WEE1: variants seen among roughly 807,000 people sequenced by gnomAD.
WEE1 encodes WEE1 G2 checkpoint kinase.
WEE1 carries 16 observed loss-of-function variants against 68.8 expected under a neutral mutation model. The ratio of observed to expected loss-of-function variants is 0.23; its 90% CI spans 0.16 to 0.35. WEE1 has a LOEUF of 0.35. Ranked by LOEUF, WEE1 falls within the 10% of genes least tolerant of loss-of-function variation. The pLI, the probability that WEE1 is intolerant of heterozygous loss-of-function variation, is 1.00. For missense variants in WEE1, 651 were observed against 824.1 expected, an observed-to-expected ratio of 0.79 and a Z score of 2.57; for synonymous variants, 349 against 318.7, an observed-to-expected ratio of 1.09 and a Z score of -1.01.
intron 5 of WEE1, chr11:9,578,460 A>C (rs1830163409): frequency 6.6e-6 from 1 of 152,338 alleles, no homozygotes. Context: ...TTTTTTTCAC[A>C]CAGCTCTTGA....
In WEE1 at chr11:9,576,348, C is replaced by T. The variant is rs1954548676; in HGVS notation, c.846+55C>T. On this transcript the variant is annotated intron_variant, in intron 3 of 10. Coordinates refer to ENST00000450114, the MANE Select transcript of WEE1 (RefSeq NM_003390.4). The surrounding 1 kb of genome is among the most constrained non-coding windows in gnomAD (Gnocchi z 4.3). ...AAATTTACTTTTCTGCCACTTAAAG[C>T]ATGCTATGAATATGTTAATAAGCAT... The T allele has an allele frequency of 2.0e-6, 3 of 1,536,284 alleles. No homozygotes were observed. The African/African-American group carries it at 4.2e-5, about 21-fold the overall frequency.
At chr11:9,577,700 G>A in intron 5 of WEE1, 1 of 324,030 alleles carries the variant, frequency 3.1e-6, no homozygotes, top group Middle Eastern at 3.9e-4. Flanking sequence ...AAATTCAGCT[G>A]TTTCTTTAAG....
In WEE1 at chr11:9,574,231, C is replaced by G. The variant is rs1849538208; in HGVS notation, c.298C>G (p.Pro100Ala). 1 of 1,192,184 alleles carries G rather than the reference C, an allele frequency of 8.4e-7. No homozygotes were observed. The highest frequency in any genetic ancestry group is 1.0e-6 in the Non-Finnish European group (1 of 961,348). 73.9% of individuals were successfully genotyped at this position (1,192,184 alleles called of 1,614,324 possible). ...EEDLLLPGAC[P>A]GADEAGGGAE... ...GGACCTGTTGCTGCCCGGCGCCTGC[C>G]CGGGCGCGGACGAGGCGGGCGGTGG... The change falls in exon 1 of 11, where the codon CCG becomes GCG. Residue 100 changes from proline to alanine, a missense_variant. Pro to Ala is a conservative substitution (Grantham distance 27). Around this residue, in one of 5 missense-constraint regions of WEE1, gnomAD observed 395 missense variants for 378.4 expected, o/e 1.04. Transcript: ENST00000450114. This position sits in a 1 kb window ranked among gnomAD's most constrained non-coding sequence, Gnocchi z 4.9.
chr11:9,581,241 AC>A, intron 5 of WEE1: 2 of 268,500 alleles, frequency 7.4e-6, no homozygotes, highest in Non-Finnish European at 1.4e-5. Flanking sequence ...ACAAAAACAA[AC>A]AAAAAAAAAG....
Position 9,574,142 on chromosome 11 carries a change from A to C in WEE1, c.209A>C (p.Glu70Ala), listed in dbSNP as rs1849536461. The part of the protein sequence containing the change: ...SPLPPARSPT[E>A]PGPERRRSPG... ...CTGCCGCCCGCGCGGAGCCCCACGG[A>C]GCCCGGGCCCGAGCGCCGCCGCTCG... The change falls in exon 1 of 11, where the codon GAG becomes GCG. Residue 70 changes from glutamate (E) to alanine (A), a missense_variant. Physicochemically the swap from Glu to Ala is moderately radical, Grantham distance 107. Coordinates refer to ENST00000450114, the MANE Select transcript of WEE1 (RefSeq NM_003390.4). This position sits in a 1 kb window ranked among gnomAD's most constrained non-coding sequence, Gnocchi z 4.9. The C allele has an allele frequency of 8.4e-7, 1 of 1,196,030 alleles. No homozygotes were observed. Among genetic ancestry groups the C allele is most frequent in the Non-Finnish European group, 1.0e-6 (1 of 966,566 alleles). 74.1% of individuals were successfully genotyped at this position (1,196,030 alleles called of 1,614,324 possible). A position where few individuals can be genotyped will look rare whatever the true frequency, so the allele number is the denominator to read the frequency against.
At position 9,588,815 on chromosome 11, in the gene WEE1, G is replaced by A. The variant is rs1291348453; in HGVS notation, c.*213G>A. ...TACCAGTCTGTCTTCTGTAGGATGT[G>A]TCACTGTTGGATGTTACACCAGCCT... On this transcript the variant is annotated 3_prime_UTR_variant, in exon 11 of 11. Transcript: ENST00000450114. 1 of 1,154,612 alleles carries A rather than the reference G, an allele frequency of 8.7e-7. No homozygotes were observed. Among genetic ancestry groups the A allele is most frequent in the Non-Finnish European group, 1.1e-6 (1 of 934,972 alleles). 71.5% of individuals were successfully genotyped at this position (1,154,612 alleles called of 1,614,324 possible).
At position 9,574,677 on chromosome 11, in the gene WEE1, C is replaced by T; in HGVS notation, c.576+168C>T. 4 of 1,094,790 alleles carry T rather than the reference C, an allele frequency of 3.7e-6. No homozygotes were observed. The highest frequency in any genetic ancestry group is 4.4e-6 in the Non-Finnish European group (4 of 901,624). 67.8% of individuals were successfully genotyped at this position (1,094,790 alleles called of 1,614,324 possible). A position where few individuals can be genotyped will look rare whatever the true frequency, so the allele number is the denominator to read the frequency against. ...TGTTTGGCCCTGCCCCGAGGTTGTC[C>T]GTTGAGATTATGTAACTGAACAATG... On this transcript the variant is annotated intron_variant, in intron 1 of 10. Transcript: ENST00000450114. The surrounding 1 kb of genome is among the most constrained non-coding windows in gnomAD (Gnocchi z 4.9).
Position 9,574,448 on chromosome 11 carries a change from G to T in WEE1, c.515G>T (p.Gly172Val), listed in dbSNP as rs1464503540. 8.1e-7 allele frequency: 1 copy of T among 1,235,822 alleles called. No homozygotes were observed. Among genetic ancestry groups the T allele is most frequent in the South Asian group, 3.3e-5 (1 of 29,934 alleles). 76.6% of individuals were successfully genotyped at this position (1,235,822 alleles called of 1,614,324 possible). Residue 172 changes from glycine (G) to valine (V), a missense_variant, in exon 1 of 11, where the codon GGC becomes GTC. Physicochemically the swap from Gly to Val is moderately radical, Grantham distance 109. Around this residue, in one of 5 missense-constraint regions of WEE1, gnomAD observed 395 missense variants for 378.4 expected, o/e 1.04. Transcript: ENST00000450114. This position sits in a 1 kb window ranked among gnomAD's most constrained non-coding sequence, Gnocchi z 4.9. ...CGCTCGCCGCGGCCGGACCACCCGG[G>T]CACCCCGCCACACAAGACCTTCCGC... ...GRRSPRPDHP[G>V]TPPHKTFRKL...
chr11:9,587,265 T>G (rs1170959997), intron 10 of WEE1, among the ~76,000 whole-genome samples: 1 of 152,190 alleles, frequency 6.6e-6, no homozygotes, highest in Admixed American at 6.6e-5. Context: ...CCGGCTCCAG[T>G]AGTTCGATAT....
At chr11:9,586,001 G>T (rs1446980535) in intron 8 of WEE1, among the ~76,000 whole-genome samples, 2 of 152,120 alleles carry the variant, frequency 1.3e-5, no homozygotes, top group South Asian at 2.1e-4. Context: ...TAAAAATTTT[G>T]AATGAAAATA....
In WEE1 at chr11:9,574,467, CT is replaced by C; in HGVS notation, c.536del (p.Phe179SerfsTer55). On this transcript the variant is annotated frameshift_variant, in exon 1 of 11. Transcript: ENST00000450114. LOFTEE classifies it high-confidence loss of function. The surrounding 1 kb of genome is among the most constrained non-coding windows in gnomAD (Gnocchi z 4.9). ...ACCCGGGCACCCCGCCACACAAGACCTTCCGCAAGCTGCGACTCTTCGACAC... is the reference window on the plus strand; with the variant it reads ...ACCCGGGCACCCCGCCACACAAGACCTCCGCAAGCTGCGACTCTTCGACAC... ...DHPGTPPHKT[F>X]RKLRLFDTPH... 7.9e-7 allele frequency: 1 copy of C among 1,260,506 alleles called. No homozygotes were observed. Among genetic ancestry groups the C allele is most frequent in the Non-Finnish European group, 1.0e-6 (1 of 1,003,942 alleles). 78.1% of individuals were successfully genotyped at this position (1,260,506 alleles called of 1,614,324 possible). A position where few individuals can be genotyped will look rare whatever the true frequency, so the allele number is the denominator to read the frequency against.
In WEE1 at chr11:9,573,954, G is replaced by T; in HGVS notation, c.21G>T (p.Gln7His). Residue 7 changes from glutamine to histidine, a missense_variant, in exon 1 of 11, where the codon CAG (glutamine) becomes CAT (histidine). By Grantham distance (24) the Gln-to-His change is conservative. This residue lies in a region of WEE1 where 395 missense variants were observed against 378.4 expected (regional missense o/e 1.04). Transcript: ENST00000450114. MSFLSR[Q>H]QPPPPRRAGA... ...CCGCGATGAGCTTCCTGAGCCGACA[G>T]CAGCCGCCGCCACCCCGCCGCGCCG... 7.7e-7 allele frequency: 1 copy of T among 1,291,844 alleles called. No individual in the cohort carries two copies. Among genetic ancestry groups the T allele is most frequent in the Non-Finnish European group, 9.8e-7 (1 of 1,019,734 alleles). 80.0% of individuals were successfully genotyped at this position (1,291,844 alleles called of 1,614,324 possible). A position where few individuals can be genotyped will look rare whatever the true frequency, so the allele number is the denominator to read the frequency against.
Position 9,574,613 on chromosome 11 carries a change from T to G in WEE1, c.576+104T>G. 1 of 1,106,990 alleles carries G rather than the reference T, an allele frequency of 9.0e-7. No individual in the cohort carries two copies. Among genetic ancestry groups the G allele is most frequent in the Non-Finnish European group, 1.1e-6 (1 of 906,930 alleles). 68.6% of individuals were successfully genotyped at this position (1,106,990 alleles called of 1,614,324 possible). On this transcript the variant is annotated intron_variant, in intron 1 of 10. Transcript: ENST00000450114. The surrounding 1 kb of genome is among the most constrained non-coding windows in gnomAD (Gnocchi z 4.9). ...ACAGAAGCGGCCGGCCGCTCCCCCCTCGCTTTCCTGCGCCGCCCCCCAAAG... is the reference window on the plus strand; with the variant it reads ...ACAGAAGCGGCCGGCCGCTCCCCCCGCGCTTTCCTGCGCCGCCCCCCAAAG...
Position 9,585,277 on chromosome 11 carries a change from A to G in WEE1, c.1308A>G (p.Arg436=). ...TGACAGGTAATATTTTCATATCTCG[A>G]ACCTCAATCCCAAATGCTGCCTCTG... ...DIKPSNIFIS[R]TSIPNAASEE... Residue 436 remains arginine, a synonymous_variant, in exon 7 of 11, where the codon CGA becomes CGG. Coordinates refer to ENST00000450114, the MANE Select transcript of WEE1 (RefSeq NM_003390.4). 1 of 1,613,914 alleles carries G rather than the reference A, an allele frequency of 6.2e-7. No individual in the cohort carries two copies. Among genetic ancestry groups the G allele is most frequent in the Non-Finnish European group, 8.5e-7 (1 of 1,179,896 alleles).
chr11:9,574,455 G>A lies in WEE1; in HGVS notation c.522G>A (p.Pro174=), dbSNP rs1360319638. The change falls in exon 1 of 11, where the codon CCG becomes CCA. Residue 174 remains proline (P), a synonymous_variant. Coordinates refer to ENST00000450114, the MANE Select transcript of WEE1 (RefSeq NM_003390.4). This position sits in a 1 kb window ranked among gnomAD's most constrained non-coding sequence, Gnocchi z 4.9. ...CGCGGCCGGACCACCCGGGCACCCC[G>A]CCACACAAGACCTTCCGCAAGCTGC... ...RSPRPDHPGT[P]PHKTFRKLRL... is the part of the protein sequence containing the mutation. 11 of 1,236,800 alleles carry A rather than the reference G, an allele frequency of 8.9e-6. No homozygotes were observed. The highest frequency in any genetic ancestry group is 6.4e-5 in the African/African-American group (4 of 62,724). 76.6% of individuals were successfully genotyped at this position (1,236,800 alleles called of 1,614,324 possible).
In WEE1 at chr11:9,576,075, A is replaced by G. The variant is rs1049015057; in HGVS notation, c.764A>G (p.Lys255Arg). The G allele has an allele frequency of 6.2e-7, 1 of 1,614,190 alleles. No individual in the cohort carries two copies. The highest frequency in any genetic ancestry group is 1.1e-5 in the South Asian group (1 of 91,084). ...LHSSGQCRRR[K>R]RTYWNDSCGE... ...TCCTCAGGACAGTGTCGTCGTAGAAAGAGAACGTATTGGAATGAGTAAGTC... is the reference window on the plus strand; with the variant it reads ...TCCTCAGGACAGTGTCGTCGTAGAAGGAGAACGTATTGGAATGAGTAAGTC... Residue 255 changes from lysine (K) to arginine (R), a missense_variant, in exon 2 of 11, where the codon AAG becomes AGG. Transcript: ENST00000450114. This position sits in a 1 kb window ranked among gnomAD's most constrained non-coding sequence, Gnocchi z 4.3.
Position 9,574,230 on chromosome 11 carries a change from C to T in WEE1, c.297C>T (p.Cys99=). ...AGGACCTGTTGCTGCCCGGCGCCTG[C>T]CCGGGCGCGGACGAGGCGGGCGGTG... The part of the protein sequence containing the change: ...LEEDLLLPGA[C]PGADEAGGGA... The change falls in exon 1 of 11, where the codon TGC becomes TGT. Residue 99 remains cysteine (C), a synonymous_variant. Transcript: ENST00000450114. The surrounding 1 kb of genome is among the most constrained non-coding windows in gnomAD (Gnocchi z 4.9). 3.4e-6 allele frequency: 4 copies of T among 1,191,286 alleles called. No homozygotes were observed. The highest frequency in any genetic ancestry group is 3.1e-6 in the Non-Finnish European group (3 of 960,830). The allele number at this position is 1,191,286 out of a possible 1,614,324, so 73.8% of individuals were successfully genotyped here. A position where few individuals can be genotyped will look rare whatever the true frequency, so the allele number is the denominator to read the frequency against.
In WEE1 at chr11:9,574,213, T is replaced by G; in HGVS notation, c.280T>G (p.Leu94Val). ...CCCCGGCGAGCTGGAGGAGGACCTGTTGCTGCCCGGCGCCTGCCCGGGCGC... is the reference window on the plus strand; with the variant it reads ...CCCCGGCGAGCTGGAGGAGGACCTGGTGCTGCCCGGCGCCTGCCCGGGCGC... ...GSPGELEEDL[L>V]LPGACPGADE... Residue 94 changes from leucine (L) to valine (V), a missense_variant, in exon 1 of 11, where the codon TTG becomes GTG. Around this residue, in one of 5 missense-constraint regions of WEE1, gnomAD observed 395 missense variants for 378.4 expected, o/e 1.04. Transcript: ENST00000450114. This position sits in a 1 kb window ranked among gnomAD's most constrained non-coding sequence, Gnocchi z 4.9. 8.5e-7 allele frequency: 1 copy of G among 1,178,964 alleles called. No homozygotes were observed. The highest frequency in any genetic ancestry group is 1.0e-6 in the Non-Finnish European group (1 of 954,310). 73.0% of individuals were successfully genotyped at this position (1,178,964 alleles called of 1,614,324 possible).
chr11:9,576,432 A>G lies in WEE1; in HGVS notation c.847-55A>G. 1.3e-6 allele frequency: 2 copies of G among 1,583,882 alleles called. No homozygotes were observed. The highest frequency in any genetic ancestry group is 2.3e-5 in the South Asian group (2 of 86,390). On this transcript the variant is annotated intron_variant, in intron 3 of 10. Coordinates refer to ENST00000450114, the MANE Select transcript of WEE1 (RefSeq NM_003390.4). This position sits in a 1 kb window ranked among gnomAD's most constrained non-coding sequence, Gnocchi z 4.3. ...CACATAGCCCTATCACCATAGCAAGAAATAACTGTTTTCGTATATTTGTAT... is the reference window on the plus strand; with the variant it reads ...CACATAGCCCTATCACCATAGCAAGGAATAACTGTTTTCGTATATTTGTAT...
Sources: gnomAD v4.1 joint callset for allele counts (sites outside exome capture counted in the v4.1 genomes callset) on GRCh38, gnomAD v4.1.1 for gene constraint, gnomAD v4.1.1 regional missense constraint, Gnocchi (gnomAD v3.1) non-coding constraint, MANE v1.5 for transcripts, NCBI Gene and HGNC (gene_info 2026-07-23, HGNC 2026-07-21) for gene names.